Variants in BRPF3 observed in about 807,000 individuals in gnomAD.
BRPF3 encodes bromodomain and PHD finger-containing protein 3.
Under a neutral mutation model 102.0 loss-of-function variants are expected in BRPF3, and 18 were observed. The ratio of observed to expected loss-of-function variants is 0.18; its 90% CI spans 0.12 to 0.26. The LOEUF (loss-of-function observed/expected upper bound fraction) is 0.26. BRPF3 is among the 10% of genes least tolerant of loss of function. The pLI is 1.00. For missense variants in BRPF3, 1,147 were observed against 1,567.8 expected (o/e 0.73, Z 4.53); for synonymous variants, 570 against 614.2 (o/e 0.93, Z 1.06).
intron 9 of BRPF3, among the ~76,000 whole-genome samples, chr6:36,221,338 G>T (rs1475605095): frequency 7.2e-6 from 1 of 138,718 alleles, no homozygotes; most frequent in African/African-American, 2.7e-5. Context: ...CCAGGCTGGA[G>T]TGCAGTAGCA....
intron 11 of BRPF3, among the ~76,000 whole-genome samples, chr6:36,227,021 T>G (rs763385668): frequency 6.6e-6 from 1 of 152,072 alleles, no homozygotes; most frequent in African/African-American, 2.4e-5. Context: ...AAAACTCGTC[T>G]TTTTTTTAAT....
In BRPF3 at chr6:36,196,847, G is replaced by A. The variant is rs1767508205; in HGVS notation, c.-150G>A. On this transcript the variant is annotated 5_prime_UTR_variant, in exon 1 of 13. Coordinates refer to ENST00000357641, the MANE Select transcript of BRPF3 (RefSeq NM_015695.3). ...AGCGCGGGCCGGGAGGGGGCACGGC[G>A]GAGGCCACGGAGGCAGGCGCGGGAG... The A allele has an allele frequency of 6.6e-6, 1 of 151,654 alleles. No individual in the cohort carries two copies. The highest frequency in any genetic ancestry group is 1.5e-5 in the Non-Finnish European group (1 of 67,712). 9.4% of individuals were successfully genotyped at this position (151,654 alleles called of 1,614,324 possible). A position where few individuals can be genotyped will look rare whatever the true frequency, so the allele number is the denominator to read the frequency against.
At chr6:36,216,998 C>T (rs1243817991) in intron 8 of BRPF3, among the ~76,000 whole-genome samples, 1 of 152,098 alleles carries the variant, frequency 6.6e-6, no homozygotes, top group Non-Finnish European at 1.5e-5. Flanking sequence ...TTGTTTACAC[C>T]ACTGCACTCC....
At chr6:36,212,749 C>G (rs1204284792) in intron 7 of BRPF3, among the ~76,000 whole-genome samples, 2 of 150,932 alleles carry the variant, frequency 1.3e-5, no homozygotes, top group South Asian at 2.1e-4. Context: ...GTCAGGAGAT[C>G]GAGACCATCC....
rs192882745 is a variant in BRPF3, at chr6:36,200,252, G to A, written c.-26-45G>A. On this transcript the variant is annotated intron_variant, in intron 1 of 12. Coordinates refer to ENST00000357641, the MANE Select transcript of BRPF3 (RefSeq NM_015695.3). The surrounding 1 kb of genome is among the most constrained non-coding windows in gnomAD (Gnocchi z 5.3). ...TGATCATATGGGAGGATGAATGGGT[G>A]CATAAGGGCATCCAACTCATAGTCT... 4.6e-6 allele frequency: 7 copies of A among 1,513,500 alleles called. No individual in the cohort carries two copies. The African/African-American group carries it at 8.3e-5, about 18-fold the overall frequency. 93.8% of individuals were successfully genotyped at this position (1,513,500 alleles called of 1,614,324 possible). A position where few individuals can be genotyped will look rare whatever the true frequency, so the allele number is the denominator to read the frequency against.
rs1034265492 is a variant in BRPF3 at position 36,222,276 on chromosome 6, G to A, written c.3181+11G>A. On this transcript the variant is annotated intron_variant, in intron 10 of 12. Coordinates refer to ENST00000357641, the MANE Select transcript of BRPF3 (RefSeq NM_015695.3). ...ACTACAATGGCTCAGGTGAGGAGCAGTGTTCAGGCAGAACTGAGGGGGCCA... is the reference window on the plus strand; with the variant it reads ...ACTACAATGGCTCAGGTGAGGAGCAATGTTCAGGCAGAACTGAGGGGGCCA... The A allele has an allele frequency of 2.7e-5, 42 of 1,549,308 alleles. No homozygotes were observed. The highest frequency in any genetic ancestry group is 3.4e-5 in the Non-Finnish European group (39 of 1,146,700).
chr6:36,226,440 C>T (rs1768742639), intron 11 of BRPF3, among the ~76,000 whole-genome samples: 1 of 152,192 alleles, frequency 6.6e-6, no homozygotes, highest in African/African-American at 2.4e-5. Context: ...ACCTTTGGGG[C>T]ATGTCAGAAT....
chr6:36,219,800 A>T (rs1768470795), intron 9 of BRPF3, among the ~76,000 whole-genome samples: 2 of 152,230 alleles, frequency 1.3e-5, no homozygotes, highest in South Asian at 4.1e-4. Context: ...TTATTAGACC[A>T]GAATCATATA....
At chr6:36,206,602 T>C (rs1222986716) in intron 3 of BRPF3, among the ~76,000 whole-genome samples, 3 of 152,194 alleles carry the variant, frequency 2.0e-5, no homozygotes, top group Non-Finnish European at 4.4e-5. Flanking sequence ...TGCCTCTATA[T>C]TTCTGCCCCT....
intron 11 of BRPF3, 57 bp from the exon 12 acceptor site, chr6:36,228,845 G>A (rs1768834102): frequency 2.5e-6 from 4 of 1,596,732 alleles, no homozygotes; most frequent in Non-Finnish European, 3.4e-6. Context: ...CCTGCAGCAG[G>A]GGCACTGCTC....
At position 36,211,376 on chromosome 6, in the gene BRPF3, T is replaced by A; in HGVS notation, c.2298T>A (p.Arg766=). The A allele has an allele frequency of 2.5e-6, 4 of 1,614,208 alleles. No individual in the cohort carries two copies. Among genetic ancestry groups the A allele is most frequent in the Non-Finnish European group, 3.4e-6 (4 of 1,180,024 alleles). Residue 766 remains arginine, a synonymous_variant, in exon 7 of 13, where the codon CGT becomes CGA. Coordinates refer to ENST00000357641, the MANE Select transcript of BRPF3 (RefSeq NM_015695.3). ...TGCGGTCCAGTGGGGCCCGCACCCG[T>A]CGTGTCCGCCTGCTACGCCGGGAGA... ...SAMRSSGART[R]RVRLLRREIN...
rs1768052891 is a variant in BRPF3, at chr6:36,210,249, A to G, written c.1900A>G (p.Met634Val). ...TTACCTGGAATTCATATCCAAGCCA[A>G]TGGATTTTTCTACTATGAGGCGGAA... The part of the protein sequence containing the change: ...PDYLEFISKP[M>V]DFSTMRRKLE... The change falls in exon 6 of 13, where the codon ATG (methionine) becomes GTG (valine). Residue 634 changes from methionine (M) to valine (V), a missense_variant. By Grantham distance (21) the Met-to-Val change is conservative. This residue lies in a region of BRPF3 where 109 missense variants were observed against 175.1 expected (regional missense o/e 0.62). Transcript: ENST00000357641. This position sits in a 1 kb window ranked among gnomAD's most constrained non-coding sequence, Gnocchi z 4.7. The G allele has an allele frequency of 6.2e-7, 1 of 1,614,102 alleles. No homozygotes were observed. Among genetic ancestry groups the G allele is most frequent in the African/African-American group, 1.3e-5 (1 of 74,932 alleles).
chr6:36,200,162 C>T lies in BRPF3; in HGVS notation c.-26-135C>T. On this transcript the variant is annotated intron_variant, in intron 1 of 12. Coordinates refer to ENST00000357641, the MANE Select transcript of BRPF3 (RefSeq NM_015695.3). The surrounding 1 kb of genome is among the most constrained non-coding windows in gnomAD (Gnocchi z 5.3). ...ACTCAAAGGAAGTGAAGGAGCAAGC[C>T]ATGTGGATGCCTGAGGGGCAAGTTG... is the stretch of plus-strand genomic sequence containing the variant. 9.3e-7 allele frequency: 1 copy of T among 1,080,396 alleles called. No homozygotes were observed. The highest frequency in any genetic ancestry group is 1.3e-6 in the Non-Finnish European group (1 of 785,888). 66.9% of individuals were successfully genotyped at this position (1,080,396 alleles called of 1,614,324 possible).
rs992344372 is a variant in BRPF3 at position 36,232,133 on chromosome 6, A to G, written c.*1524A>G. 3 of 152,682 alleles carry G rather than the reference A, an allele frequency of 2.0e-5. No individual in the cohort carries two copies. Among genetic ancestry groups the G allele is most frequent in the Admixed American group, 2.0e-4 (3 of 15,284 alleles). 9.5% of individuals were successfully genotyped at this position (152,682 alleles called of 1,614,324 possible). On this transcript the variant is annotated 3_prime_UTR_variant, in exon 13 of 13. Coordinates refer to ENST00000357641, the MANE Select transcript of BRPF3 (RefSeq NM_015695.3). ...TGAGCCAGAGTTTAAAAGGGAACCA[A>G]CAAAACACTATAACTTAAAAGGATG...
In BRPF3 at chr6:36,213,952, C is replaced by T. The variant is rs763186938; in HGVS notation, c.2555C>T (p.Ser852Phe). The T allele has an allele frequency of 1.5e-4, 237 of 1,613,096 alleles. 1 individual carries two copies. Among genetic ancestry groups the T allele is most frequent in the Non-Finnish European group, 1.9e-4 (219 of 1,179,412 alleles). The change falls in exon 8 of 13, where the codon TCC (serine) becomes TTC (phenylalanine). Residue 852 changes from serine (S) to phenylalanine (F), a missense_variant. Physicochemically the swap from Ser to Phe is radical, Grantham distance 155 (BLOSUM62 -2). This residue lies in a region of BRPF3 where 379 missense variants were observed against 426.3 expected (regional missense o/e 0.89). Transcript: ENST00000357641. ...GPAPSLSEQESPPEPPTLKPI... is the reference protein window; with the variant it reads ...GPAPSLSEQEFPPEPPTLKPI... ...GCACCTTCCTTGTCTGAGCAAGAATCCCCCCCGGAGCCCCCTACTCTGAAA... is the reference window on the plus strand; with the variant it reads ...GCACCTTCCTTGTCTGAGCAAGAATTCCCCCCGGAGCCCCCTACTCTGAAA...
chr6:36,197,244 C>G (rs975036591), intron 1 of BRPF3: 1 of 152,162 alleles, frequency 6.6e-6, no homozygotes, highest in African/African-American at 2.4e-5. Flanking sequence ...GCCCCCGCCA[C>G]GCCTTCCAAT....
intron 1 of BRPF3, chr6:36,197,526 G>T (rs1767544610): frequency 6.6e-6 from 1 of 152,276 alleles, no homozygotes; most frequent in Non-Finnish European, 1.5e-5. Context: ...AGGAGCCTTG[G>T]CTGGGGTCCT....
rs368808053 is a variant in BRPF3, at chr6:36,204,712, G to A, written c.1503G>A (p.Gln501=). The A allele has an allele frequency of 1.2e-6, 2 of 1,614,214 alleles. No individual in the cohort carries two copies. The highest frequency in any genetic ancestry group is 1.6e-4 in the Middle Eastern group (1 of 6,062). ...LSFQRKNQFM[Q]RLHNYWLLKR... is the part of the protein sequence containing the mutation. ...TTCAGAGGAAAAACCAGTTTATGCA[G>A]CGGCTTCACAATTATTGGCTGTTGA... The change falls in exon 3 of 13, where the codon CAG becomes CAA. Residue 501 remains glutamine, a synonymous_variant. Transcript: ENST00000357641.
intron 7 of BRPF3, among the ~76,000 whole-genome samples, chr6:36,212,572 GA>G (rs1013260246): frequency 0.028 from 1,279 of 44,986 alleles, 12 homozygotes; most frequent in South Asian, 0.086. Context: ...GCATCACCTA[GA>G]AAAAAAAAAA....
Sources: allele counts gnomAD v4.1 joint callset (sites outside exome capture counted in the v4.1 genomes callset), GRCh38; gene constraint gnomAD v4.1.1; regional missense constraint gnomAD v4.1.1; non-coding constraint Gnocchi (gnomAD v3.1); transcripts MANE v1.5; gene names NCBI Gene and HGNC (gene_info 2026-07-23, HGNC 2026-07-21).